FTO: variants seen among roughly 807,000 people sequenced by gnomAD.
FTO encodes the protein FTO alpha-ketoglutarate dependent dioxygenase, also known as alpha-ketoglutarate-dependent dioxygenase FTO.
FTO carries 47 observed loss-of-function variants against 63.9 expected under a neutral mutation model. The ratio of observed to expected loss-of-function variants is 0.74; its 90% CI spans 0.58 to 0.94. FTO has a LOEUF of 0.94. Among genes scored for constraint, FTO ranks in the 40% least tolerant of loss-of-function variants. FTO has a pLI of 0.00. For missense variants in FTO, 562 were observed against 618.1 expected, an observed-to-expected ratio of 0.91 and a Z score of 0.96; for synonymous variants, 207 against 224.4, an observed-to-expected ratio of 0.92 and a Z score of 0.69.
At chr16:53,963,815 C>T (rs1194362728) in intron 8 of FTO, among the ~76,000 whole-genome samples, 1 of 152,208 alleles carries the variant, frequency 6.6e-6, no homozygotes, top group African/African-American at 2.4e-5. Context: ...TGCAGTAGCA[C>T]GATCTTAGCT....
intron 6 of FTO, among the ~76,000 whole-genome samples, chr16:53,884,720 A>G (rs146199057): frequency 6.6e-6 from 1 of 152,312 alleles, no homozygotes; most frequent in East Asian, 1.9e-4. Context: ...TTGCTCTCCA[A>G]TGCCTAAGTG....
At chr16:53,960,263 G>C (rs2083040103) in intron 8 of FTO, among the ~76,000 whole-genome samples, 1 of 152,124 alleles carries the variant, frequency 6.6e-6, no homozygotes, top group Non-Finnish European at 1.5e-5. Context: ...CAGGGGAAGG[G>C]TATTTTGTAC....
intron 1 of FTO, among the ~76,000 whole-genome samples, chr16:53,755,863 C>T (rs2076912512): frequency 6.6e-6 from 1 of 152,060 alleles, no homozygotes; most frequent in Non-Finnish European, 1.5e-5. Context: ...AAGGTGAAGC[C>T]CAAGCCTTAT....
At chr16:53,942,374 A>C (rs2082550469) in intron 8 of FTO, among the ~76,000 whole-genome samples, 1 of 152,208 alleles carries the variant, frequency 6.6e-6, no homozygotes, top group Non-Finnish European at 1.5e-5. Context: ...GGACTGGGCT[A>C]AGACCAGGAC....
At chr16:53,783,360 C>G (rs1438235593) in intron 1 of FTO, among the ~76,000 whole-genome samples, 1 of 152,002 alleles carries the variant, frequency 6.6e-6, no homozygotes, top group South Asian at 2.1e-4. Context: ...CGCCTATAAT[C>G]CCAGCGCTTT....
intron 1 of FTO, 126 bp downstream of exon 1, chr16:53,704,355 A>G: frequency 1.1e-6 from 1 of 910,786 alleles, no homozygotes; most frequent in Non-Finnish European, 1.8e-6. Flanking sequence ...GGGCCTTGTC[A>G]GCAAGGGACC....
At position 53,704,227 on chromosome 16, in the gene FTO, A is replaced by G; in HGVS notation, c.43A>G (p.Lys15Glu). The G allele has an allele frequency of 6.4e-7, 1 of 1,551,432 alleles. No individual in the cohort carries two copies. The highest frequency in any genetic ancestry group is 8.7e-7 in the Non-Finnish European group (1 of 1,146,780). The change falls in exon 1 of 9, where the codon AAG becomes GAG. Residue 15 changes from lysine to glutamate, a missense_variant and splice_region_variant. By Grantham distance (56) the Lys-to-Glu change is moderately conservative. Coordinates refer to ENST00000471389, the MANE Select transcript of FTO (RefSeq NM_001080432.3). ...TGCCGAGGAACGAGAGCGCGAAGCT[A>G]AGGTATGTCGGGCTCCCGGGGCCTG... ...PTAEEREREAKKLRLLEELED... is the reference protein window; with the variant it reads ...PTAEEREREAEKLRLLEELED...
At chr16:54,027,850 C>T (rs2084748735) in intron 8 of FTO, among the ~76,000 whole-genome samples, 1 of 152,194 alleles carries the variant, frequency 6.6e-6, no homozygotes, top group South Asian at 2.1e-4. Context: ...GTATTTCTCT[C>T]CCTAAGTCCC....
chr16:53,818,093 A>C (rs557180873), intron 2 of FTO, among the ~76,000 whole-genome samples: 6 of 152,158 alleles, frequency 3.9e-5, no homozygotes, highest in Non-Finnish European at 5.9e-5. Flanking sequence ...TCCAAAATGG[A>C]AAGTGAACTT....
chr16:53,958,514 C>T (rs1053730149), intron 8 of FTO, among the ~76,000 whole-genome samples: 8 of 152,242 alleles, frequency 5.3e-5, no homozygotes, highest in South Asian at 2.1e-4. Context: ...GTCCCACCCC[C>T]GGTGTATAAA....
intron 1 of FTO, among the ~76,000 whole-genome samples, chr16:53,790,046 T>C (rs2077865578): frequency 6.7e-6 from 1 of 149,856 alleles, no homozygotes; most frequent in South Asian, 2.1e-4. Context: ...GTATTTTGTA[T>C]ATATGTATAC....
At chr16:54,035,630 T>G (rs1424616761) in intron 8 of FTO, among the ~76,000 whole-genome samples, 2 of 152,164 alleles carry the variant, frequency 1.3e-5, no homozygotes, top group Non-Finnish European at 2.9e-5. Flanking sequence ...TGGAGAACAC[T>G]TAATTGTAGA....
chr16:54,036,910 G>T (rs1308366677), intron 8 of FTO, among the ~76,000 whole-genome samples: 5 of 152,152 alleles, frequency 3.3e-5, no homozygotes, highest in Non-Finnish European at 7.4e-5. Context: ...ACGGATACAG[G>T]ATAGCTCATT....
chr16:54,046,074 G>A (rs370905507), intron 8 of FTO, among the ~76,000 whole-genome samples: 3 of 83,506 alleles, frequency 3.6e-5, no homozygotes, highest in African/African-American at 1.0e-4. Context: ...CTCTCTCACC[G>A]CTCCTATTCA....
rs978163395 is a variant in FTO at position 53,931,493 on chromosome 16, A to G, written c.1240-2492A>G. ...AGCTAATTTTCTATATTTTCAGTAG[A>G]GACGGGGTTTCACCATGTTGGCCAG... On this transcript the variant is annotated intron_variant, in intron 7 of 8. Coordinates refer to ENST00000471389, the MANE Select transcript of FTO (RefSeq NM_001080432.3). Among the ~76,000 whole-genome samples the G allele has an allele frequency of 3.3e-5, 5 of 152,018 alleles. No homozygotes were observed. The East Asian group carries it at 9.7e-4, about 29-fold the overall frequency.
chr16:54,107,397 A>C (rs1453398308), intron 8 of FTO, among the ~76,000 whole-genome samples: 1 of 152,200 alleles, frequency 6.6e-6, no homozygotes. Flanking sequence ...AACATTATCC[A>C]GCCCTAGTCC....
At chr16:53,751,318 C>T (rs928331332) in intron 1 of FTO, among the ~76,000 whole-genome samples, 5 of 152,062 alleles carry the variant, frequency 3.3e-5, no homozygotes, top group East Asian at 1.9e-4. Flanking sequence ...ATTAGCCGGG[C>T]GTGGTGGCCG....
intron 8 of FTO, among the ~76,000 whole-genome samples, chr16:54,101,811 A>G (rs2086648312): frequency 6.6e-6 from 1 of 151,962 alleles, no homozygotes; most frequent in Admixed American, 6.6e-5. Context: ...TTTCTCCCCA[A>G]CCTCGCCAGC....
chr16:53,969,780 G>A (rs1457519337), intron 8 of FTO, among the ~76,000 whole-genome samples: 3 of 152,198 alleles, frequency 2.0e-5, no homozygotes, highest in Non-Finnish European at 4.4e-5. Flanking sequence ...TATGTATAGG[G>A]AGAAAGAAAG....
Sources: gnomAD v4.1 joint callset for allele counts (sites outside exome capture counted in the v4.1 genomes callset) on GRCh38, gnomAD v4.1.1 for gene constraint, MANE v1.5 for transcripts, NCBI Gene and HGNC (gene_info 2026-07-23, HGNC 2026-07-21) for gene names.